The following ABCA8 variants were observed in gnomAD, a reference collection of about 807,000 sequenced individuals.
ABCA8 encodes the protein ABC-type organic anion transporter ABCA8.
ABCA8 carries 177 observed loss-of-function variants against 192.3 expected under a neutral mutation model. That is an observed-to-expected ratio of 0.92 (90% CI 0.81 to 1.04). The LOEUF (loss-of-function observed/expected upper bound fraction) is 1.04, where lower values mean the gene tolerates loss of function less well. Among genes scored for constraint, ABCA8 ranks in the 50% least tolerant of loss-of-function variants. The pLI, the probability that ABCA8 is intolerant of heterozygous loss-of-function variation, is 0.00. For missense variants in ABCA8, 1,915 were observed against 1,904.8 expected (o/e 1.01, Z -0.10); for synonymous variants, 642 against 690.2 (o/e 0.93, Z 1.09).
chr17:68,903,456 G>C lies in ABCA8; in HGVS notation c.2442C>G (p.Asp814Glu). The change falls in exon 20 of 40, where the codon GAC (aspartate) becomes GAG (glutamate). Residue 814 changes from aspartate (D) to glutamate (E), a missense_variant. Physicochemically the swap from Asp to Glu is conservative, Grantham distance 45. Transcript: ENST00000586539. ...GTTCCATCTCAACAAGCCTTTCAGT[G>C]TCGTCAGCTTTTTCCGCTTGTACTT... ...LGEVQAEKADDTERLVEMEQV... is the reference protein window; with the variant it reads ...LGEVQAEKADETERLVEMEQV... 6.2e-7 allele frequency: 1 copy of C among 1,614,088 alleles called. No individual in the cohort carries two copies.
rs2066965828 is a variant in ABCA8, at chr17:68,903,408, CTTG to C, written c.2487_2489del (p.Asn829del). On this transcript the variant is annotated inframe_deletion, in exon 20 of 40. Transcript: ENST00000586539. ...CCACACCACCTATTGTCTTTCTCAT[CTTG>C]TTAAGTGAAGAGAGGACTTGTTCCA... 6.2e-6 allele frequency: 10 copies of C among 1,614,190 alleles called. No homozygotes were observed. The highest frequency in any genetic ancestry group is 8.5e-6 in the Non-Finnish European group (10 of 1,180,030).
rs774115619 is a variant in ABCA8, at chr17:68,883,885, A to G, written c.3616-3T>C. ...AAAATGATAAAATGAAGGAAAGGCT[A>G]GGAATAAAGAGAGATGCACAATTAG... On this transcript the variant is annotated splice_polypyrimidine_tract_variant and splice_region_variant and intron_variant, in intron 28 of 39. Coordinates refer to ENST00000586539, the MANE Select transcript of ABCA8 (RefSeq NM_001288985.2). 19 of 1,524,094 alleles carry G rather than the reference A, an allele frequency of 1.2e-5. No individual in the cohort carries two copies. The Admixed American group carries it at 3.2e-4, about 25-fold the overall frequency. 94.4% of individuals were successfully genotyped at this position (1,524,094 alleles called of 1,614,324 possible).
intron 12 of ABCA8, among the ~76,000 whole-genome samples, 187 bp downstream of exon 12, chr17:68,922,055 C>T (rs2067546650): frequency 2.0e-5 from 3 of 151,556 alleles, no homozygotes; most frequent in African/African-American, 4.8e-5. Context: ...AGAAGCAATA[C>T]ATTAGAAAAA....
At chr17:68,876,376 G>A (rs971951387) in intron 35 of ABCA8, 84 bp downstream of exon 35, 13 of 1,552,328 alleles carry the variant, frequency 8.4e-6, no homozygotes, top group Middle Eastern at 3.4e-4. Context: ...AAGAGTTTAA[G>A]GGACAATTTT....
At chr17:68,901,103 T>C (rs2066897940) in intron 21 of ABCA8, among the ~76,000 whole-genome samples, 1 of 152,162 alleles carries the variant, frequency 6.6e-6, no homozygotes, top group South Asian at 2.1e-4. Context: ...CAGTTGAAAA[T>C]GTGTACATCA....
intron 9 of ABCA8, among the ~76,000 whole-genome samples, chr17:68,928,591 G>A (rs2067764923): frequency 6.6e-6 from 1 of 152,082 alleles, no homozygotes; most frequent in African/African-American, 2.4e-5. Context: ...AAGGCAAGGG[G>A]AATTCAATAA....
At chr17:68,932,731 A>G (rs1323701030) in intron 6 of ABCA8, among the ~76,000 whole-genome samples, 1 of 151,906 alleles carries the variant, frequency 6.6e-6, no homozygotes, top group Non-Finnish European at 1.5e-5. Context: ...GTGTTTCATT[A>G]CCTCCCTGCC....
intron 11 of ABCA8, among the ~76,000 whole-genome samples, chr17:68,922,725 C>T (rs888824711): frequency 1.3e-5 from 2 of 152,100 alleles, no homozygotes; most frequent in African/African-American, 4.8e-5. Flanking sequence ...TTCAAGGTCT[C>T]CCAAGGTTCA....
chr17:68,903,603 G>A, intron 19 of ABCA8, 104 bp from the exon 20 acceptor site: 2 of 1,020,662 alleles, frequency 2.0e-6, no homozygotes, highest in Non-Finnish European at 2.9e-6. Flanking sequence ...GTTACTATAG[G>A]TATAACGTGG....
At chr17:68,900,331 A>G (rs2066873564) in intron 21 of ABCA8, among the ~76,000 whole-genome samples, 1 of 152,106 alleles carries the variant, frequency 6.6e-6, no homozygotes, top group African/African-American at 2.4e-5. Flanking sequence ...AACAAATTAG[A>G]TAATATAGTA....
intron 17 of ABCA8, among the ~76,000 whole-genome samples, chr17:68,916,755 G>T (rs555545257): frequency 1.3e-3 from 190 of 150,428 alleles, no homozygotes; most frequent in African/African-American, 4.6e-3. Flanking sequence ...AGATGATGAA[G>T]GTGTAAAATA....
intron 2 of ABCA8, among the ~76,000 whole-genome samples, chr17:68,943,866 T>TA (rs560156771): frequency 2.0e-5 from 3 of 151,712 alleles, no homozygotes; most frequent in Admixed American, 6.6e-5. Flanking sequence ...TAGTATTCAT[T>TA]AAAAAAAATT....
chr17:68,872,145 G>A (rs1195588049), intron 37 of ABCA8, among the ~76,000 whole-genome samples: 9 of 151,598 alleles, frequency 5.9e-5, no homozygotes, highest in East Asian at 3.9e-4. Context: ...TGTTTATTGC[G>A]GCATTATTCA....
chr17:68,946,688 C>T (rs2068419009), intron 2 of ABCA8, among the ~76,000 whole-genome samples: 1 of 152,148 alleles, frequency 6.6e-6, no homozygotes, highest in Non-Finnish European at 1.5e-5. Flanking sequence ...CCTGTAATCC[C>T]AGCAGTTTGG....
rs551441633 is a variant in ABCA8, at chr17:68,898,122, C to T, written c.2765-3109G>A. The stretch of plus-strand genomic sequence containing the variant: ...ATGTGTAAGGAAACACCAATAAGAA[C>T]CCAGCTGATTTCTCATCAGAAACAA... On this transcript the variant is annotated intron_variant, in intron 21 of 39. Coordinates refer to ENST00000586539, the MANE Select transcript of ABCA8 (RefSeq NM_001288985.2). 5.9e-5 allele frequency among the ~76,000 whole-genome samples: 9 copies of T among 152,186 alleles called. No individual in the cohort carries two copies. In the South Asian group the frequency reaches 6.2e-4, roughly 11 times the overall value.
intron 37 of ABCA8, among the ~76,000 whole-genome samples, chr17:68,870,271 G>A (rs530695462): frequency 1.8e-4 from 27 of 152,278 alleles, no homozygotes; most frequent in African/African-American, 6.5e-4. Flanking sequence ...ACTCTGTAAG[G>A]AAGTTGCCCT....
rs1226746677 is a variant in ABCA8 at position 68,944,316 on chromosome 17, T to TAATATATATATATATA, written c.-5-2278_-5-2277insTATATATATATATATT. Among the ~76,000 whole-genome samples the TAATATATATATATATA allele has an allele frequency of 5.5e-4, 16 of 29,284 alleles. 1 individual carries two copies. The highest frequency in any genetic ancestry group is 1.3e-3 in the Admixed American group (3 of 2,298). The allele number at this position is 29,284 out of a possible 152,430, so 19.2% of individuals were successfully genotyped here. A position where few individuals can be genotyped will look rare whatever the true frequency, so the allele number is the denominator to read the frequency against. ...AGCACATGTAGCCCAGAACTTAAAGTTATATATATATATATATATATATAT... is the reference window on the plus strand; with the variant it reads ...AGCACATGTAGCCCAGAACTTAAAGTAATATATATATATATATATATATATATATATATATATATAT... On this transcript the variant is annotated intron_variant, in intron 2 of 39. Transcript: ENST00000586539.
intron 37 of ABCA8, among the ~76,000 whole-genome samples, chr17:68,873,800 G>A (rs746567414): frequency 1.3e-5 from 2 of 152,190 alleles, no homozygotes; most frequent in Non-Finnish European, 2.9e-5. Flanking sequence ...ATTGGTTGAA[G>A]AGACTATCCC....
chr17:68,919,469 G>C lies in ABCA8; in HGVS notation c.1620C>G (p.Val540=). The C allele has an allele frequency of 6.2e-7, 1 of 1,611,780 alleles. No individual in the cohort carries two copies. Among genetic ancestry groups the C allele is most frequent in the Non-Finnish European group, 8.5e-7 (1 of 1,178,982 alleles). ...SGLSVPTKGS[V]TIYNNKLSEM... Reference sequence around the variant, plus strand: ...CTGAAAGCTTATTGTTATAGATGGTGACTGAACCTGTAACAAAGGAAAAGT... The same window carrying C: ...CTGAAAGCTTATTGTTATAGATGGTCACTGAACCTGTAACAAAGGAAAAGT... The change falls in exon 14 of 40, where the codon GTC becomes GTG. Residue 540 remains valine (V), a synonymous_variant. Coordinates refer to ENST00000586539, the MANE Select transcript of ABCA8 (RefSeq NM_001288985.2).
Sources: gnomAD v4.1 joint callset for allele counts (sites outside exome capture counted in the v4.1 genomes callset) on GRCh38, gnomAD v4.1.1 for gene constraint, MANE v1.5 for transcripts, NCBI Gene and HGNC (gene_info 2026-07-23, HGNC 2026-07-21) for gene names.